GFOD1: variants seen among roughly 807,000 people sequenced by gnomAD.
The protein encoded by GFOD1 is Gfo/Idh/MocA-like oxidoreductase domain containing 1.
GFOD1 carries 9 observed loss-of-function variants against 25.4 expected under a neutral mutation model. The observed-to-expected ratio is 0.35, with a 90% CI of 0.21 to 0.62. GFOD1 has a LOEUF of 0.62. GFOD1 is among the 20% of genes least tolerant of loss of function. The pLI is 0.72. For synonymous variants in GFOD1, 253 were observed against 245.6 expected (o/e 1.03, Z -0.28); for missense variants, 403 against 556.9 (o/e 0.72, Z 2.78).
intron 1 of GFOD1, among the ~76,000 whole-genome samples, chr6:13,475,776 T>C: frequency 7.0e-6 from 1 of 142,180 alleles, no homozygotes; most frequent in African/African-American, 2.6e-5. Context: ...ATACAAAAAT[T>C]AGCCAGGCAT....
chr6:13,396,944 TG>T (rs1785744883), intron 1 of GFOD1, among the ~76,000 whole-genome samples: 1 of 152,150 alleles, frequency 6.6e-6, no homozygotes, highest in Admixed American at 6.5e-5. Flanking sequence ...CTCATATACC[TG>T]GGGATGTTTC....
chr6:13,442,813 G>A (rs192705637), intron 1 of GFOD1, among the ~76,000 whole-genome samples: 86 of 152,314 alleles, frequency 5.6e-4, no homozygotes, highest in African/African-American at 1.7e-3. Context: ...GGTCACCCAA[G>A]AGCTTTCATG....
At chr6:13,376,171 C>T (rs1213594304) in intron 1 of GFOD1, among the ~76,000 whole-genome samples, 3 of 152,158 alleles carry the variant, frequency 2.0e-5, no homozygotes, top group African/African-American at 7.2e-5. Flanking sequence ...GTCAGTGGCA[C>T]ATACAGACCA....
intron 1 of GFOD1, among the ~76,000 whole-genome samples, chr6:13,415,004 A>C (rs1477658829): frequency 6.6e-6 from 1 of 152,220 alleles, no homozygotes; most frequent in Non-Finnish European, 1.5e-5. Flanking sequence ...CGAGCAGGGA[A>C]GGGAATTAGG....
At chr6:13,468,916 A>G (rs1758426203) in intron 1 of GFOD1, among the ~76,000 whole-genome samples, 1 of 152,178 alleles carries the variant, frequency 6.6e-6, no homozygotes, top group Admixed American at 6.5e-5. Flanking sequence ...CAGGCAGATC[A>G]AGCCTATGGT....
chr6:13,454,685 C>T (rs1758157988), intron 1 of GFOD1, among the ~76,000 whole-genome samples: 2 of 152,208 alleles, frequency 1.3e-5, no homozygotes, highest in Admixed American at 1.3e-4. Flanking sequence ...ACATCAGCCA[C>T]AAAGCAGACA....
At chr6:13,390,778 AGAAAGG>A (rs1465577313) in intron 1 of GFOD1, among the ~76,000 whole-genome samples, 7 of 102,288 alleles carry the variant, frequency 6.8e-5, no homozygotes, top group Admixed American at 2.7e-4. Context: ...AGAGAGAGAG[AGAAAGG>A]AAGGAAGGAA....
At chr6:13,431,445 A>G (rs1584647771) in intron 1 of GFOD1, among the ~76,000 whole-genome samples, 1 of 152,152 alleles carries the variant, frequency 6.6e-6, no homozygotes, top group African/African-American at 2.4e-5. Flanking sequence ...CCTTGTCTTG[A>G]CTAGCCGCAC....
chr6:13,449,828 A>T (rs1015431343), intron 1 of GFOD1, among the ~76,000 whole-genome samples: 15 of 152,200 alleles, frequency 9.9e-5, no homozygotes, highest in Non-Finnish European at 2.1e-4. Context: ...TTTCTTTATA[A>T]ATTACCTAGT....
intron 1 of GFOD1, among the ~76,000 whole-genome samples, chr6:13,374,890 G>T (rs1054772260): frequency 6.6e-5 from 10 of 151,866 alleles, no homozygotes; most frequent in Non-Finnish European, 1.3e-4. Context: ...TTATAGGCAT[G>T]TGCCACCAAG....
At chr6:13,413,139 C>T (rs1267681501) in intron 1 of GFOD1, among the ~76,000 whole-genome samples, 1 of 152,220 alleles carries the variant, frequency 6.6e-6, no homozygotes, top group Non-Finnish European at 1.5e-5. Flanking sequence ...CCACTCGTAC[C>T]TGAGGTTTTG....
At chr6:13,454,874 G>A (rs116295330) in intron 1 of GFOD1, among the ~76,000 whole-genome samples, 175 of 152,268 alleles carry the variant, frequency 1.1e-3, no homozygotes, top group Admixed American at 2.7e-3. Flanking sequence ...CAAGAGTTTC[G>A]TAGAGGGAGG....
At chr6:13,417,755 C>T (rs1424577531) in intron 1 of GFOD1, among the ~76,000 whole-genome samples, 4 of 152,182 alleles carry the variant, frequency 2.6e-5, no homozygotes, top group African/African-American at 9.7e-5. Flanking sequence ...GAATAATTCC[C>T]GGAATATGGA....
chr6:13,398,736 C>T (rs780646963), intron 1 of GFOD1, among the ~76,000 whole-genome samples: 10 of 152,166 alleles, frequency 6.6e-5, no homozygotes, highest in Admixed American at 2.0e-4. Context: ...CTCAGCCTCC[C>T]GGGCTTCTCA....
At position 13,418,094 on chromosome 6, in the gene GFOD1, AAGAG is replaced by A. The variant is rs1164477563; in HGVS notation, c.254-52436_254-52433del. Among the ~76,000 whole-genome samples the A allele has an allele frequency of 5.3e-5, 8 of 152,334 alleles. No homozygotes were observed. The South Asian group carries it at 8.3e-4, about 16-fold the overall frequency. On this transcript the variant is annotated intron_variant, in intron 1 of 1. Coordinates refer to ENST00000379287, the MANE Select transcript of GFOD1 (RefSeq NM_018988.4). ...AAGAATGTGTTAACTTGCAGGTAAG[AAGAG>A]AGAAAGGTATCATGCTTATCTGACC...
chr6:13,484,223 G>T (rs990815018), intron 1 of GFOD1, among the ~76,000 whole-genome samples: 2 of 146,844 alleles, frequency 1.4e-5, no homozygotes, highest in African/African-American at 2.5e-5. Flanking sequence ...TGGATCGAAG[G>T]CTACAGACCT....
chr6:13,397,417 C>T (rs1282354829), intron 1 of GFOD1, among the ~76,000 whole-genome samples: 2 of 152,230 alleles, frequency 1.3e-5, no homozygotes, highest in East Asian at 1.9e-4. Flanking sequence ...TCTGAGGACT[C>T]GGGCCTGCCG....
chr6:13,458,317 C>T (rs1156595263), intron 1 of GFOD1, among the ~76,000 whole-genome samples: 1 of 152,128 alleles, frequency 6.6e-6, no homozygotes, highest in Non-Finnish European at 1.5e-5. Context: ...ACGGTTTCAC[C>T]ATGTTGGCCA....
intron 1 of GFOD1, among the ~76,000 whole-genome samples, chr6:13,482,368 A>G (rs1758772062): frequency 6.6e-6 from 1 of 151,478 alleles, no homozygotes; most frequent in African/African-American, 2.4e-5. Flanking sequence ...AACATATATA[A>G]ATTTTCAAGC....
Sources: allele counts gnomAD v4.1 joint callset (sites outside exome capture counted in the v4.1 genomes callset), GRCh38; gene constraint gnomAD v4.1.1; transcripts MANE v1.5; gene names NCBI Gene and HGNC (gene_info 2026-07-23, HGNC 2026-07-21).